ZNHIT3: variants seen among roughly 807,000 people sequenced by gnomAD.
ZNHIT3 encodes zinc finger HIT domain-containing protein 3.
In ZNHIT3, 27 loss-of-function variants were observed where a neutral mutation model predicts 19.9. That is an observed-to-expected ratio of 1.36 (90% CI 1.00 to 1.87). The LOEUF is 1.87. Among genes scored for constraint, ZNHIT3 ranks in the 40% most tolerant of loss-of-function variants. The probability of loss-of-function intolerance (pLI) is 0.00; values close to 1 mark genes in which losing one functional copy is unlikely to be tolerated. For missense variants in ZNHIT3, 215 were observed against 185.6 expected, an observed-to-expected ratio of 1.16 and a Z score of -0.92; for synonymous variants, 81 against 65.7, an observed-to-expected ratio of 1.23 and a Z score of -1.13.
chr17:36,494,237 T>C (rs1014686843), intron 4 of ZNHIT3, among the ~76,000 whole-genome samples: 1 of 152,224 alleles, frequency 6.6e-6, no homozygotes, highest in African/African-American at 2.4e-5. Context: ...TGCTCCTCCT[T>C]CAAGCCTTGG....
At chr17:36,498,251 T>A, downstream of ZNHIT3, 1 of 1,600,652 alleles carries the variant, frequency 6.2e-7, no homozygotes, top group Non-Finnish European at 8.5e-7. Flanking sequence ...GTCATGGCCA[T>A]CACACACAAC....
In ZNHIT3 at chr17:36,493,971, AAG is replaced by A. The variant is rs770891896; in HGVS notation, c.253_254del (p.Asp85GlnfsTer68). 1.5e-5 allele frequency: 25 copies of A among 1,613,662 alleles called. No homozygotes were observed. The highest frequency in any genetic ancestry group is 3.3e-5 in the Admixed American group (2 of 60,008). ...GATTTTCTCAATAGTGATGAGGAAG[AAG>A]ACAGAGTTTCTTTGCAGAATTTAAA... On this transcript the variant is annotated frameshift_variant, in exon 4 of 5. Coordinates refer to ENST00000617429, the MANE Select transcript of ZNHIT3 (RefSeq NM_004773.4). LOFTEE classifies it high-confidence loss of function.
rs1310676650 is a variant in ZNHIT3 at position 36,493,952 on chromosome 17, C to T, written c.232C>T (p.Leu78Phe). 1.2e-6 allele frequency: 2 copies of T among 1,613,684 alleles called. No homozygotes were observed. Among genetic ancestry groups the T allele is most frequent in the Non-Finnish European group, 1.7e-6 (2 of 1,179,668 alleles). Reference protein sequence around the residue: ...KDDDDSIADFLNSDEEEDRVS... With the variant: ...KDDDDSIADFFNSDEEEDRVS... ...TGATGATGACTCTATAGCTGATTTT[C>T]TCAATAGTGATGAGGAAGAAGACAG... The change falls in exon 4 of 5, where the codon CTC becomes TTC. Residue 78 changes from leucine (L) to phenylalanine (F), a missense_variant. Transcript: ENST00000617429.
At chr17:36,490,624 G>C (rs1276039393) in intron 2 of ZNHIT3, 4 of 152,072 alleles carry the variant, frequency 2.6e-5, no homozygotes, top group African/African-American at 4.8e-5. Flanking sequence ...CTGTGAACAG[G>C]ATCATTGGTA....
chr17:36,486,952 T>C lies in ZNHIT3; in HGVS notation c.104T>C (p.Phe35Ser). The change falls in exon 2 of 5, where the codon TTC (phenylalanine) becomes TCC (serine). Residue 35 changes from phenylalanine (F) to serine (S), a missense_variant. Transcript: ENST00000617429. ...CRVPYCSVVC[F>S]RKHKEQCNPE... is the part of the protein sequence containing the mutation. The stretch of plus-strand genomic sequence containing the variant: ...TGTTACAGCTGCTCGGTAGTCTGCT[T>C]CCGGAAGCACAAAGGTGAGCCCCGT... 1.2e-6 allele frequency: 2 copies of C among 1,611,446 alleles called. No individual in the cohort carries two copies. The highest frequency in any genetic ancestry group is 1.7e-6 in the Non-Finnish European group (2 of 1,179,522).
intron 2 of ZNHIT3, among the ~76,000 whole-genome samples, chr17:36,488,759 A>G (rs2070652470): frequency 6.6e-6 from 1 of 152,208 alleles, no homozygotes; most frequent in African/African-American, 2.4e-5. Context: ...ACCTGTATAC[A>G]ATGTTTAAGG....
rs1417187793 is a variant in ZNHIT3, at chr17:36,492,865, TC to T, written c.173del (p.Pro58LeufsTer5). On this transcript the variant is annotated frameshift_variant, in exon 3 of 5. Coordinates refer to ENST00000617429, the MANE Select transcript of ZNHIT3 (RefSeq NM_004773.4). LOFTEE classifies it high-confidence loss of function. Reference protein sequence around the residue: ...PVEKKIRSALPTKTVKPVENK... With the variant: ...PVEKKIRSALXTKTVKPVENK... ...TTGAGAAAAAAATAAGATCAGCTCTTCCTACCAAAACCGTAAAGCCTGTGGA... is the reference window on the plus strand; with the variant it reads ...TTGAGAAAAAAATAAGATCAGCTCTTCTACCAAAACCGTAAAGCCTGTGGA... 2 of 1,614,060 alleles carry T rather than the reference TC, an allele frequency of 1.2e-6. No homozygotes were observed. The highest frequency in any genetic ancestry group is 1.3e-5 in the African/African-American group (1 of 74,908).
At chr17:36,498,522 C>G, downstream of ZNHIT3, 1 of 1,613,536 alleles carries the variant, frequency 6.2e-7, no homozygotes, top group South Asian at 1.1e-5. Context: ...TTCTTCCACA[C>G]CATCCAGCTC....
Position 36,486,705 on chromosome 17 carries a change from G to A in ZNHIT3, c.6G>A (p.Ala2=), listed in dbSNP as rs762867908. 5 of 1,613,880 alleles carry A rather than the reference G, an allele frequency of 3.1e-6. No homozygotes were observed. The South Asian group carries it at 3.3e-5, about 11-fold the overall frequency. Residue 2 remains alanine, a synonymous_variant, in exon 1 of 5, where the codon GCG becomes GCA. Transcript: ENST00000617429. M[A]SLKCSTVVCV... is the part of the protein sequence containing the mutation. ...CAGTCTCCTTCCACAAAACCATGGCGTCGCTCAAATGTAGCACCGTCGTCT... is the reference window on the plus strand; with the variant it reads ...CAGTCTCCTTCCACAAAACCATGGCATCGCTCAAATGTAGCACCGTCGTCT...
Position 36,486,735 on chromosome 17 carries a change from G to A in ZNHIT3, c.36G>A (p.Val12=), listed in dbSNP as rs770906091. The change falls in exon 1 of 5, where the codon GTG becomes GTA. Residue 12 remains valine, a synonymous_variant. Coordinates refer to ENST00000617429, the MANE Select transcript of ZNHIT3 (RefSeq NM_004773.4). The stretch of plus-strand genomic sequence containing the variant: ...TCAAATGTAGCACCGTCGTCTGCGT[G>A]ATCTGCTTGGAGAAGCCCAAATACC... The part of the protein sequence containing the change: ...ASLKCSTVVC[V]ICLEKPKYRC... 4 of 1,613,902 alleles carry A rather than the reference G, an allele frequency of 2.5e-6. No individual in the cohort carries two copies. Among genetic ancestry groups the A allele is most frequent in the Non-Finnish European group, 3.4e-6 (4 of 1,179,912 alleles).
intron 2 of ZNHIT3, chr17:36,490,154 T>C: frequency 6.6e-6 from 1 of 152,148 alleles, no homozygotes; most frequent in Non-Finnish European, 1.5e-5. Flanking sequence ...TCATAAAATC[T>C]TTGCCTAGAC....
chr17:36,497,150 C>T (rs1368016519), downstream of ZNHIT3, among the ~76,000 whole-genome samples: 2 of 150,200 alleles, frequency 1.3e-5, no homozygotes, highest in East Asian at 2.0e-4. Flanking sequence ...GCCAATATGG[C>T]GAAACCCCGT....
rs753205915 is a variant in ZNHIT3, at chr17:36,495,370, G to A, written c.434G>A (p.Gly145Glu). The change falls in exon 5 of 5, where the codon GGA becomes GAA. Residue 145 changes from glycine to glutamate, a missense_variant. Coordinates refer to ENST00000617429, the MANE Select transcript of ZNHIT3 (RefSeq NM_004773.4). Reference protein sequence around the residue: ...LFVEFADCCLGIVEPSQNEES With the variant: ...LFVEFADCCLEIVEPSQNEES ...GTGGAGTTTGCAGACTGCTGTTTAG[G>A]AATTGTGGAGCCATCCCAGAATGAG... 6.2e-7 allele frequency: 1 copy of A among 1,610,440 alleles called. No homozygotes were observed. The highest frequency in any genetic ancestry group is 1.1e-5 in the South Asian group (1 of 90,300).
At chr17:36,491,856 G>A (rs1056809253) in intron 2 of ZNHIT3, 2 of 152,090 alleles carry the variant, frequency 1.3e-5, no homozygotes, top group African/African-American at 4.8e-5. Flanking sequence ...AGTTAGACCC[G>A]GATTCCAAAT....
chr17:36,490,746 A>G (rs1319885829), intron 2 of ZNHIT3: 2 of 152,222 alleles, frequency 1.3e-5, no homozygotes, highest in Non-Finnish European at 2.9e-5. Flanking sequence ...TTGCTGCTAT[A>G]GGCAGTGTTA....
At position 36,495,086 on chromosome 17, in the gene ZNHIT3, A is replaced by C. The variant is rs936349018; in HGVS notation, c.287-137A>C. 35 of 1,047,858 alleles carry C rather than the reference A, an allele frequency of 3.3e-5. No homozygotes were observed. The African/African-American group carries it at 3.7e-4, about 11-fold the overall frequency. The allele number at this position is 1,047,858 out of a possible 1,614,324, so 64.9% of individuals were successfully genotyped here. A position where few individuals can be genotyped will look rare whatever the true frequency, so the allele number is the denominator to read the frequency against. On this transcript the variant is annotated intron_variant, in intron 4 of 4. Transcript: ENST00000617429. ...GCAATCTGCCCACCTTGACCTCCCC[A>C]GTTGCTGGTATTACAGGCATGAGCC...
At position 36,495,818 on chromosome 17, in the gene ZNHIT3, C is replaced by G. The variant is rs1301498637; in HGVS notation, c.*414C>G. On this transcript the variant is annotated 3_prime_UTR_variant, in exon 5 of 5. Coordinates refer to ENST00000617429, the MANE Select transcript of ZNHIT3 (RefSeq NM_004773.4). The stretch of plus-strand genomic sequence containing the variant: ...ATTAAATAAATCAACTAATTAAATA[C>G]TAAAGTTTTGTTCCTTTTTAAAGGA... 7.3e-6 allele frequency: 9 copies of G among 1,240,646 alleles called. No individual in the cohort carries two copies. The highest frequency in any genetic ancestry group is 3.1e-4 in the Middle Eastern group (1 of 3,260). The allele number at this position is 1,240,646 out of a possible 1,614,324, so 76.9% of individuals were successfully genotyped here.
At chr17:36,496,614 T>G (rs981984587), downstream of ZNHIT3, among the ~76,000 whole-genome samples, 1 of 152,204 alleles carries the variant, frequency 6.6e-6, no homozygotes, top group Non-Finnish European at 1.5e-5. Context: ...GAGGAATGTC[T>G]GTCACATTCC....
In ZNHIT3 at chr17:36,495,675, A is replaced by G. The variant is rs970360892; in HGVS notation, c.*271A>G. On this transcript the variant is annotated 3_prime_UTR_variant, in exon 5 of 5. Coordinates refer to ENST00000617429, the MANE Select transcript of ZNHIT3 (RefSeq NM_004773.4). The stretch of plus-strand genomic sequence containing the variant: ...TTTACTTTTGGTACAGTTGATAGAC[A>G]TCATAAACGATATCAAGCTTACACT... 4.7e-6 allele frequency: 6 copies of G among 1,272,114 alleles called. No homozygotes were observed. The highest frequency in any genetic ancestry group is 4.0e-6 in the Non-Finnish European group (4 of 1,011,888). 78.8% of individuals were successfully genotyped at this position (1,272,114 alleles called of 1,614,324 possible). A position where few individuals can be genotyped will look rare whatever the true frequency, so the allele number is the denominator to read the frequency against.
Sources: allele counts gnomAD v4.1 joint callset (sites outside exome capture counted in the v4.1 genomes callset), GRCh38; gene constraint gnomAD v4.1.1; transcripts MANE v1.5; gene names NCBI Gene and HGNC (gene_info 2026-07-23, HGNC 2026-07-21).